L3MBTL4: variants seen among roughly 807,000 people sequenced by gnomAD.
L3MBTL4 encodes the protein lethal(3)malignant brain tumor-like protein 4.
A neutral mutation model predicts 84.5 loss-of-function variants in L3MBTL4; 70 were observed. The ratio of observed to expected loss-of-function variants is 0.83; its 90% CI spans 0.68 to 1.01. The LOEUF is 1.01. Ranked by LOEUF, L3MBTL4 falls within the 50% of genes least tolerant of loss-of-function variation. The probability of loss-of-function intolerance (pLI) is 0.00; values close to 1 mark genes in which losing one functional copy is unlikely to be tolerated. For synonymous variants in L3MBTL4, 274 were observed against 259.8 expected (o/e 1.05, Z -0.52); for missense variants, 715 against 754.8 (o/e 0.95, Z 0.62).
At chr18:5,993,049 A>G (rs986239755) in intron 16 of L3MBTL4, among the ~76,000 whole-genome samples, 1 of 152,186 alleles carries the variant, frequency 6.6e-6, no homozygotes, top group African/African-American at 2.4e-5. Context: ...TGAGAGAAAA[A>G]TGAGCATCTT....
intron 16 of L3MBTL4, among the ~76,000 whole-genome samples, chr18:6,033,789 C>T (rs2055963361): frequency 6.6e-6 from 1 of 152,046 alleles, no homozygotes; most frequent in Non-Finnish European, 1.5e-5. Flanking sequence ...CAGCTTAAGT[C>T]CGATGACACA....
intron 3 of L3MBTL4, among the ~76,000 whole-genome samples, chr18:6,309,760 C>T (rs1367143300): frequency 1.3e-5 from 2 of 151,914 alleles, no homozygotes; most frequent in Non-Finnish European, 2.9e-5. Context: ...GTAAGATAAC[C>T]GAGTACTAAG....
At chr18:6,071,765 G>GAAAGAA (rs2057640742) in intron 16 of L3MBTL4, among the ~76,000 whole-genome samples, 1 of 68,294 alleles carries the variant, frequency 1.5e-5, no homozygotes, top group Non-Finnish European at 3.2e-5. Context: ...AAGAAAAAAA[G>GAAAGAA]AAAGAAAGAA....
chr18:6,167,286 C>T (rs2043720808), intron 13 of L3MBTL4, among the ~76,000 whole-genome samples: 1 of 152,254 alleles, frequency 6.6e-6, no homozygotes, highest in Admixed American at 6.5e-5. Flanking sequence ...GAAACTATTC[C>T]AATCAATAGA....
intron 16 of L3MBTL4, among the ~76,000 whole-genome samples, chr18:6,071,740 GGAAGGAAA>G (rs2057627833): frequency 2.5e-5 from 1 of 40,670 alleles, no homozygotes; most frequent in Non-Finnish European, 5.4e-5. Flanking sequence ...AAAGAAAGAA[GGAAGGAAA>G]GAAAGAAAGA....
chr18:6,345,397 AAAAC>A (rs752013822), intron 1 of L3MBTL4, among the ~76,000 whole-genome samples: 16 of 151,776 alleles, frequency 1.1e-4, no homozygotes, highest in African/African-American at 1.9e-4. Flanking sequence ...CTCCGTCTCA[AAAAC>A]AAACAAACAA....
chr18:6,327,569 T>A (rs1428152713), intron 1 of L3MBTL4, among the ~76,000 whole-genome samples: 1 of 152,142 alleles, frequency 6.6e-6, no homozygotes, highest in Non-Finnish European at 1.5e-5. Flanking sequence ...ACACATCAGG[T>A]TAAAATGTAA....
intron 1 of L3MBTL4, among the ~76,000 whole-genome samples, chr18:6,317,402 A>G (rs969079843): frequency 6.6e-6 from 1 of 152,186 alleles, no homozygotes; most frequent in Non-Finnish European, 1.5e-5. Context: ...TACATATTTT[A>G]AAGAAAAACC....
intron 16 of L3MBTL4, among the ~76,000 whole-genome samples, chr18:6,065,981 G>GTACAC (rs2057385085): frequency 6.6e-6 from 1 of 151,964 alleles, no homozygotes; most frequent in African/African-American, 2.4e-5. Context: ...ACTTTTTGAT[G>GTACAC]TACACATTTA....
chr18:6,372,494 A>G (rs867634008), intron 1 of L3MBTL4, among the ~76,000 whole-genome samples: 4 of 152,146 alleles, frequency 2.6e-5, no homozygotes, highest in African/African-American at 7.2e-5. Context: ...ACCAACTATA[A>G]TTCTCTTCAA....
At chr18:6,143,263 C>G (rs988771022) in intron 13 of L3MBTL4, among the ~76,000 whole-genome samples, 1 of 152,128 alleles carries the variant, frequency 6.6e-6, no homozygotes, top group Non-Finnish European at 1.5e-5. Flanking sequence ...CTGATAGGTA[C>G]CATCATTCTC....
chr18:6,148,657 C>T (rs1177512839), intron 13 of L3MBTL4, among the ~76,000 whole-genome samples: 1 of 152,096 alleles, frequency 6.6e-6, no homozygotes, highest in Non-Finnish European at 1.5e-5. Context: ...TCTTGACCTC[C>T]TGGGCTCAAG....
At chr18:6,326,012 C>G (rs1287653048) in intron 1 of L3MBTL4, among the ~76,000 whole-genome samples, 1 of 152,112 alleles carries the variant, frequency 6.6e-6, no homozygotes, top group African/African-American at 2.4e-5. Flanking sequence ...CAGTAACAGG[C>G]AGAAGATAGG....
rs184484693 is a variant in L3MBTL4 at position 6,379,756 on chromosome 18, A to G, written c.-91+35045T>C. On this transcript the variant is annotated intron_variant, in intron 1 of 18. Transcript: ENST00000317931. ...GAGGATTTTTGCATCAATGTTCATC[A>G]GGGATATTGGAATGAAAATTTCTTT... is the stretch of plus-strand genomic sequence containing the variant. 3.7e-4 allele frequency among the ~76,000 whole-genome samples: 56 copies of G among 152,290 alleles called. No homozygotes were observed. In the East Asian group the frequency reaches 0.01, roughly 28 times the overall value.
chr18:6,219,812 G>T (rs2046475024), intron 10 of L3MBTL4, among the ~76,000 whole-genome samples: 1 of 152,060 alleles, frequency 6.6e-6, no homozygotes, highest in Non-Finnish European at 1.5e-5. Context: ...AAGACGAGGA[G>T]AACTACTTGG....
intron 1 of L3MBTL4, among the ~76,000 whole-genome samples, chr18:6,332,379 C>A (rs369512978): frequency 9.9e-5 from 15 of 152,206 alleles, no homozygotes; most frequent in Admixed American, 7.9e-4. Context: ...GCCAGCCCAA[C>A]ATCCTCTTTC....
At chr18:6,107,609 G>A (rs974765267) in intron 14 of L3MBTL4, among the ~76,000 whole-genome samples, 2 of 152,204 alleles carry the variant, frequency 1.3e-5, no homozygotes, top group African/African-American at 4.8e-5. Flanking sequence ...AAACTCATGA[G>A]TGTGATGATA....
chr18:6,155,902 T>C (rs979868463), intron 13 of L3MBTL4, among the ~76,000 whole-genome samples: 14 of 152,204 alleles, frequency 9.2e-5, no homozygotes, highest in Non-Finnish European at 1.3e-4. Flanking sequence ...TCTGTGTTCA[T>C]TCCTAGGAGT....
chr18:6,278,061 T>C (rs1294506799), intron 4 of L3MBTL4, among the ~76,000 whole-genome samples: 1 of 152,092 alleles, frequency 6.6e-6, no homozygotes, highest in Non-Finnish European at 1.5e-5. Flanking sequence ...TATTTTTTAA[T>C]CTCTTCTTTC....
Sources: allele counts gnomAD v4.1 joint callset (sites outside exome capture counted in the v4.1 genomes callset), GRCh38; gene constraint gnomAD v4.1.1; transcripts MANE v1.5; gene names NCBI Gene and HGNC (gene_info 2026-07-23, HGNC 2026-07-21).